The following C21orf58 variants were observed in gnomAD, a reference collection of about 807,000 sequenced individuals.
The protein encoded by C21orf58 is chromosome 21 open reading frame 58.
In C21orf58, 34 loss-of-function variants were observed where a neutral mutation model predicts 35.8. That is an observed-to-expected ratio of 0.95 (90% CI 0.72 to 1.26). C21orf58 has a LOEUF of 1.26. Ranked by LOEUF, C21orf58 falls within the 50% of genes most tolerant of loss-of-function variation. C21orf58 has a pLI of 0.00. For synonymous variants in C21orf58, 191 were observed against 175.8 expected (o/e 1.09, Z -0.68); for missense variants, 440 against 414.3 (o/e 1.06, Z -0.54).
rs1246342610 is a variant in C21orf58 at position 46,301,832 on chromosome 21, G to A, written c.*167C>T. ...TGGAATGGCCCCGTGACCAGAAAGC[G>A]AGCCTGCCCAGCTTCCCCAGGAGGA... On this transcript the variant is annotated 3_prime_UTR_variant, in exon 8 of 8. Transcript: ENST00000291691. 6.3e-6 allele frequency: 8 copies of A among 1,262,130 alleles called. No individual in the cohort carries two copies. Among genetic ancestry groups the A allele is most frequent in the Admixed American group, 4.1e-5 (1 of 24,356 alleles). The allele number at this position is 1,262,130 out of a possible 1,614,324, so 78.2% of individuals were successfully genotyped here. A position where few individuals can be genotyped will look rare whatever the true frequency, so the allele number is the denominator to read the frequency against.
intron 6 of C21orf58, among the ~76,000 whole-genome samples, chr21:46,303,745 A>ATTTT (rs869177693): frequency 4.2e-5 from 1 of 23,822 alleles, no homozygotes; most frequent in Non-Finnish European, 7.1e-5. Flanking sequence ...ATATATATAT[A>ATTTT]TTTTTTTTTT....
At chr21:46,303,308 T>C (rs949687698) in intron 6 of C21orf58, among the ~76,000 whole-genome samples, 3 of 152,008 alleles carry the variant, frequency 2.0e-5, no homozygotes, top group Non-Finnish European at 4.4e-5. Context: ...CCCTGCACTC[T>C]AGCCTGGGTA....
At chr21:46,305,010 T>C (rs1190651364) in intron 6 of C21orf58, among the ~76,000 whole-genome samples, 1 of 152,180 alleles carries the variant, frequency 6.6e-6, no homozygotes, top group Non-Finnish European at 1.5e-5. Context: ...GTCAGACTCA[T>C]AGAAACAGAA....
At position 46,314,706 on chromosome 21, in the gene C21orf58, G is replaced by A. The variant is rs1441940912; in HGVS notation, c.609+10C>T. The A allele has an allele frequency of 3.5e-5, 51 of 1,441,388 alleles. No individual in the cohort carries two copies. Among genetic ancestry groups the A allele is most frequent in the East Asian group, 1.8e-4 (7 of 39,304 alleles). The allele number at this position is 1,441,388 out of a possible 1,614,324, so 89.3% of individuals were successfully genotyped here. On this transcript the variant is annotated intron_variant, in intron 5 of 7. Coordinates refer to ENST00000291691, the MANE Select transcript of C21orf58 (RefSeq NM_058180.5). ...ACTCTCAGATGTGCTCCTCGACTTC[G>A]CCCTCTTACCGTAGGCAGGATGATC...
intron 6 of C21orf58, among the ~76,000 whole-genome samples, chr21:46,303,646 G>C (rs1327748790): frequency 7.4e-6 from 1 of 135,560 alleles, no homozygotes; most frequent in African/African-American, 2.7e-5. Flanking sequence ...GAGACCAGGA[G>C]CTGACACCAG....
chr21:46,305,968 C>G (rs745612173), intron 6 of C21orf58, among the ~76,000 whole-genome samples: 5 of 150,958 alleles, frequency 3.3e-5, no homozygotes, highest in Non-Finnish European at 5.9e-5. Context: ...ATCTTGAGTG[C>G]TGGGTGCTAT....
At chr21:46,317,925 T>C in intron 2 of C21orf58, 87 bp downstream of exon 2, 2 of 1,438,272 alleles carry the variant, frequency 1.4e-6, no homozygotes, top group South Asian at 1.3e-5. Context: ...CCCTGCATTC[T>C]GCACCTGCAG....
At position 46,301,844 on chromosome 21, in the gene C21orf58, C is replaced by A; in HGVS notation, c.*155G>T. The stretch of plus-strand genomic sequence containing the variant: ...GTGACCAGAAAGCGAGCCTGCCCAG[C>A]TTCCCCAGGAGGAGCCTGCAGTCCA... On this transcript the variant is annotated 3_prime_UTR_variant, in exon 8 of 8. Coordinates refer to ENST00000291691, the MANE Select transcript of C21orf58 (RefSeq NM_058180.5). 7.9e-7 allele frequency: 1 copy of A among 1,268,434 alleles called. No homozygotes were observed. Among genetic ancestry groups the A allele is most frequent in the Non-Finnish European group, 9.9e-7 (1 of 1,009,046 alleles). The allele number at this position is 1,268,434 out of a possible 1,614,324, so 78.6% of individuals were successfully genotyped here. A position where few individuals can be genotyped will look rare whatever the true frequency, so the allele number is the denominator to read the frequency against.
At position 46,322,925 on chromosome 21, in the gene C21orf58, C is replaced by T; in HGVS notation, c.-187G>A. The stretch of plus-strand genomic sequence containing the variant: ...GGGCATCGTTACTGCTGCAAACAAG[C>T]ACACGGCCCTCCACGACGAACCTTT... On this transcript the variant is annotated 5_prime_UTR_variant, in exon 1 of 8. Transcript: ENST00000291691. 1 of 460,154 alleles carries T rather than the reference C, an allele frequency of 2.2e-6. No homozygotes were observed. Among genetic ancestry groups the T allele is most frequent in the Non-Finnish European group, 3.9e-6 (1 of 258,906 alleles). The allele number at this position is 460,154 out of a possible 1,614,324, so 28.5% of individuals were successfully genotyped here. A position where few individuals can be genotyped will look rare whatever the true frequency, so the allele number is the denominator to read the frequency against.
intron 5 of C21orf58, chr21:46,313,114 A>G: frequency 1.1e-6 from 1 of 952,062 alleles, no homozygotes; most frequent in Non-Finnish European, 1.3e-6. Flanking sequence ...CAGCTTCCAA[A>G]GCAGGACACA....
intron 6 of C21orf58, among the ~76,000 whole-genome samples, chr21:46,304,865 C>G (rs997873419): frequency 1.1e-4 from 16 of 152,344 alleles, no homozygotes; most frequent in African/African-American, 3.8e-4. Context: ...TGTGGTCTAT[C>G]CATACAATGG....
At chr21:46,300,512 T>G, downstream of C21orf58, 1 of 356,480 alleles carries the variant, frequency 2.8e-6, no homozygotes, top group East Asian at 1.1e-4. Flanking sequence ...GTCTGAGCTT[T>G]GGTTTGAGCT....
chr21:46,319,607 A>T (rs2083089326), intron 1 of C21orf58, among the ~76,000 whole-genome samples: 1 of 152,200 alleles, frequency 6.6e-6, no homozygotes, highest in East Asian at 1.9e-4. Flanking sequence ...TATAAAAAAT[A>T]ATAAAAAAGG....
intron 1 of C21orf58, chr21:46,318,905 C>T: frequency 3.1e-6 from 3 of 969,410 alleles, no homozygotes; most frequent in Non-Finnish European, 2.5e-6. Flanking sequence ...ATGAGTTAGT[C>T]AATCCCACTA....
intron 6 of C21orf58, among the ~76,000 whole-genome samples, chr21:46,304,549 T>A (rs1045760391): frequency 6.9e-6 from 1 of 144,978 alleles, no homozygotes. Flanking sequence ...AAAAGTGAAA[T>A]GCAAATTAAA....
At chr21:46,314,562 G>C (rs368927250) in intron 5 of C21orf58, among the ~76,000 whole-genome samples, 154 bp downstream of exon 5, 29 of 152,372 alleles carry the variant, frequency 1.9e-4, no homozygotes, top group East Asian at 1.5e-3. Flanking sequence ...GCAGTGCCCA[G>C]GCAGGCAGCT....
intron 6 of C21orf58, among the ~76,000 whole-genome samples, chr21:46,311,214 T>G (rs1285455843): frequency 6.6e-6 from 1 of 152,200 alleles, no homozygotes; most frequent in Admixed American, 6.5e-5. Context: ...GGTTTTTGAA[T>G]GGATGATGAT....
At chr21:46,322,611 C>T in intron 1 of C21orf58, 28 bp downstream of exon 1, 1 of 1,486,682 alleles carries the variant, frequency 6.7e-7, no homozygotes, top group Admixed American at 2.3e-5. Context: ...AGTCTGGGAA[C>T]CAGGAGACCG....
At position 46,323,694 on chromosome 21, in the gene C21orf58, C is replaced by T. The variant is rs1294039373; in HGVS notation, c.-956G>A. On this transcript the variant is annotated 5_prime_UTR_variant, in exon 1 of 8. Transcript: ENST00000291691. The stretch of plus-strand genomic sequence containing the variant: ...CTCCTCCGTGGTAGGCCTCAACTTC[C>T]CGCGGCGGCCCACAGCCAACGACTA... 5 of 180,780 alleles carry T rather than the reference C, an allele frequency of 2.8e-5. No individual in the cohort carries two copies. The highest frequency in any genetic ancestry group is 2.4e-5 in the Non-Finnish European group (2 of 85,006). 11.2% of individuals were successfully genotyped at this position (180,780 alleles called of 1,614,324 possible).
Sources: allele counts gnomAD v4.1 joint callset (sites outside exome capture counted in the v4.1 genomes callset), GRCh38; gene constraint gnomAD v4.1.1; transcripts MANE v1.5; gene names NCBI Gene and HGNC (gene_info 2026-07-23, HGNC 2026-07-21).